Variants in DCUN1D2 observed in about 807,000 individuals in gnomAD.
DCUN1D2 encodes the protein DCN1-like protein 2.
In DCUN1D2, 29 loss-of-function variants were observed where a neutral mutation model predicts 30.9. The ratio of observed to expected loss-of-function variants is 0.94; its 90% CI spans 0.70 to 1.28. The LOEUF is 1.28. Among genes scored for constraint, DCUN1D2 ranks in the 50% most tolerant of loss-of-function variants. The pLI, the probability that DCUN1D2 is intolerant of heterozygous loss-of-function variation, is 0.00. For missense variants in DCUN1D2, 325 were observed against 316.9 expected (o/e 1.03, Z -0.19); for synonymous variants, 121 against 115.3 (o/e 1.05, Z -0.32).
At chr13:113,460,259 CG>C (rs1288114116) in intron 5 of DCUN1D2, among the ~76,000 whole-genome samples, 1 of 152,216 alleles carries the variant, frequency 6.6e-6, no homozygotes, top group Non-Finnish European at 1.5e-5. Flanking sequence ...GGCAAGGAAG[CG>C]GAAGTGACGT....
chr13:113,472,698 C>T (rs2044543002), intron 4 of DCUN1D2, among the ~76,000 whole-genome samples: 2 of 152,202 alleles, frequency 1.3e-5, no homozygotes, highest in Admixed American at 1.3e-4. Context: ...GCAGGACAGG[C>T]TCTCATCAGT....
chr13:113,470,128 A>G (rs1404403029), intron 4 of DCUN1D2, among the ~76,000 whole-genome samples: 5 of 152,216 alleles, frequency 3.3e-5, no homozygotes, highest in Non-Finnish European at 5.9e-5. Flanking sequence ...GCAAAAGTGC[A>G]TTTTCACTGC....
Position 113,490,684 on chromosome 13 carries a change from C to A in DCUN1D2, c.-15G>T. 8.1e-7 allele frequency: 1 copy of A among 1,236,364 alleles called. No homozygotes were observed. The highest frequency in any genetic ancestry group is 2.8e-5 in the South Asian group (1 of 35,644). The allele number at this position is 1,236,364 out of a possible 1,614,324, so 76.6% of individuals were successfully genotyped here. ...CCACCTACCATCTCCCCCGCGCCGC[C>A]CGCTTCTGGCCGGCCCCGGCCTTCT... is the stretch of plus-strand genomic sequence containing the variant. On this transcript the variant is annotated 5_prime_UTR_variant, in exon 1 of 7. Transcript: ENST00000478244. This position sits in a 1 kb window ranked among gnomAD's most constrained non-coding sequence, Gnocchi z 5.2.
In DCUN1D2 at chr13:113,483,795, C is replaced by G. The variant is rs376304361; in HGVS notation, c.220+45G>C. 1.9e-6 allele frequency: 3 copies of G among 1,587,310 alleles called. No homozygotes were observed. In the East Asian group the frequency reaches 6.7e-5, roughly 36 times the overall value. On this transcript the variant is annotated intron_variant, in intron 2 of 6. Transcript: ENST00000478244. ...CTGGAAGTGCAGCGCGCAGGCCGCTCGCGGAGGCCGACATCCGTCCGGCTT... is the reference window on the plus strand; with the variant it reads ...CTGGAAGTGCAGCGCGCAGGCCGCTGGCGGAGGCCGACATCCGTCCGGCTT...
intron 3 of DCUN1D2, among the ~76,000 whole-genome samples, chr13:113,476,397 G>C (rs573722619): frequency 1.3e-5 from 2 of 152,128 alleles, no homozygotes; most frequent in Admixed American, 1.3e-4. Flanking sequence ...ATTTCACTGT[G>C]GTTTTCACCT....
At chr13:113,483,049 T>A (rs1314742409) in intron 2 of DCUN1D2, among the ~76,000 whole-genome samples, 2 of 152,256 alleles carry the variant, frequency 1.3e-5, no homozygotes, top group African/African-American at 2.4e-5. Flanking sequence ...AGTCAGGGCT[T>A]GGTTTTGTTT....
intron 2 of DCUN1D2, among the ~76,000 whole-genome samples, chr13:113,482,269 A>G (rs922900334): frequency 6.6e-6 from 1 of 152,236 alleles, no homozygotes; most frequent in Non-Finnish European, 1.5e-5. Flanking sequence ...AATTGCATGA[A>G]TAAAGTTAAA....
intron 1 of DCUN1D2, among the ~76,000 whole-genome samples, chr13:113,484,421 G>T (rs2044766102): frequency 6.6e-6 from 1 of 152,238 alleles, no homozygotes; most frequent in Non-Finnish European, 1.5e-5. Context: ...GGGGGTCACA[G>T]CTGCAGTCTT....
In DCUN1D2 at chr13:113,490,641, G is replaced by A. The variant is rs1304329084; in HGVS notation, c.3+26C>T. On this transcript the variant is annotated intron_variant, in intron 1 of 6. Transcript: ENST00000478244. This position sits in a 1 kb window ranked among gnomAD's most constrained non-coding sequence, Gnocchi z 5.2. ...CCCGACCCCGACCCCGACCCCGACG[G>A]GCAGAGGCGACGCCGGGCCACCTAC... 2 of 1,239,930 alleles carry A rather than the reference G, an allele frequency of 1.6e-6. No individual in the cohort carries two copies. The highest frequency in any genetic ancestry group is 1.0e-6 in the Non-Finnish European group (1 of 992,454). The allele number at this position is 1,239,930 out of a possible 1,614,324, so 76.8% of individuals were successfully genotyped here.
At chr13:113,463,523 C>G (rs552708657) in intron 4 of DCUN1D2, among the ~76,000 whole-genome samples, 2 of 151,514 alleles carry the variant, frequency 1.3e-5, no homozygotes, top group South Asian at 4.2e-4. Flanking sequence ...AAGACCCTCA[C>G]CTCTTTAAAA....
In DCUN1D2 at chr13:113,490,330, GT is replaced by G; in HGVS notation, c.3+336del. 1 of 241,870 alleles carries G rather than the reference GT, an allele frequency of 4.1e-6. No individual in the cohort carries two copies. The highest frequency in any genetic ancestry group is 7.9e-6 in the Non-Finnish European group (1 of 126,636). The allele number at this position is 241,870 out of a possible 1,614,324, so 15.0% of individuals were successfully genotyped here. A position where few individuals can be genotyped will look rare whatever the true frequency, so the allele number is the denominator to read the frequency against. On this transcript the variant is annotated intron_variant, in intron 1 of 6. Coordinates refer to ENST00000478244, the MANE Select transcript of DCUN1D2 (RefSeq NM_001014283.2). This position sits in a 1 kb window ranked among gnomAD's most constrained non-coding sequence, Gnocchi z 5.2. Reference sequence around the variant, plus strand: ...GAGCCCTCGCCCGCCTCGACTGCCCGTTTCGAAGCCGCCCTGGGAAGCCCCC... The same window carrying G: ...GAGCCCTCGCCCGCCTCGACTGCCCGTTCGAAGCCGCCCTGGGAAGCCCCC...
chr13:113,465,463 T>C (rs948611191), intron 4 of DCUN1D2, among the ~76,000 whole-genome samples: 2 of 151,120 alleles, frequency 1.3e-5, no homozygotes, highest in Non-Finnish European at 2.9e-5. Context: ...GGGTGACTAC[T>C]GCCAGAGAAA....
chr13:113,474,277 G>A (rs374187714), intron 3 of DCUN1D2, 23 bp from the exon 4 acceptor site: 108 of 1,611,236 alleles, frequency 6.7e-5, no homozygotes, highest in Non-Finnish European at 8.8e-5. Flanking sequence ...AGAGTGGTTT[G>A]TCTTGCAGCA....
At chr13:113,464,399 C>T (rs996558838) in intron 4 of DCUN1D2, among the ~76,000 whole-genome samples, 14 of 152,222 alleles carry the variant, frequency 9.2e-5, no homozygotes, top group Admixed American at 8.5e-4. Context: ...ATGGTAGGTC[C>T]TGAATCTTAA....
chr13:113,474,161 G>A lies in DCUN1D2; in HGVS notation c.483C>T (p.Thr161=). 1 of 1,614,156 alleles carries A rather than the reference G, an allele frequency of 6.2e-7. No individual in the cohort carries two copies. The highest frequency in any genetic ancestry group is 8.5e-7 in the Non-Finnish European group (1 of 1,179,992). ...GCCCTGGGTTCTTAGCGAAGGTGAAGGTAAACTGATAAAAATCTTTAAACT... is the reference window on the plus strand; with the variant it reads ...GCCCTGGGTTCTTAGCGAAGGTGAAAGTAAACTGATAAAAATCTTTAAACT... ...TAKFKDFYQF[T]FTFAKNPGQK... The change falls in exon 4 of 7, where the codon ACC becomes ACT. Residue 161 remains threonine, a synonymous_variant. Transcript: ENST00000478244.
intron 2 of DCUN1D2, among the ~76,000 whole-genome samples, chr13:113,481,295 CT>C (rs1222632059): frequency 6.6e-6 from 1 of 152,146 alleles, no homozygotes; most frequent in Non-Finnish European, 1.5e-5. Context: ...TCCCCACCCC[CT>C]ATTTCTAGTT....
At position 113,457,953 on chromosome 13, in the gene DCUN1D2, T is replaced by C. The variant is rs1371705322; in HGVS notation, c.*76A>G. 15 of 1,339,454 alleles carry C rather than the reference T, an allele frequency of 1.1e-5. No individual in the cohort carries two copies. The highest frequency in any genetic ancestry group is 1.2e-5 in the South Asian group (1 of 85,044). 83.0% of individuals were successfully genotyped at this position (1,339,454 alleles called of 1,614,324 possible). A position where few individuals can be genotyped will look rare whatever the true frequency, so the allele number is the denominator to read the frequency against. ...GAATGACTTCTGGAATCAGCGACAA[T>C]GCACCCAGGAACTGACTGCAATCTC... On this transcript the variant is annotated 3_prime_UTR_variant, in exon 7 of 7. Transcript: ENST00000478244.
chr13:113,470,065 A>C (rs113041864), intron 4 of DCUN1D2, among the ~76,000 whole-genome samples: 13 of 152,364 alleles, frequency 8.5e-5, no homozygotes, highest in African/African-American at 3.1e-4. Context: ...CACACATGGC[A>C]TAACATCTCA....
At chr13:113,480,833 TA>T in intron 2 of DCUN1D2, 90 bp from the exon 3 acceptor site, 2 of 1,363,236 alleles carry the variant, frequency 1.5e-6, no homozygotes, top group Non-Finnish European at 2.1e-6. Flanking sequence ...TCGATTATAC[TA>T]CATAGTTCTA....
Sources: gnomAD v4.1 joint callset for allele counts (sites outside exome capture counted in the v4.1 genomes callset) on GRCh38, gnomAD v4.1.1 for gene constraint, Gnocchi (gnomAD v3.1) non-coding constraint, MANE v1.5 for transcripts, NCBI Gene and HGNC (gene_info 2026-07-23, HGNC 2026-07-21) for gene names.